Variants in PIK3R3 observed in about 807,000 individuals in gnomAD.
PIK3R3 encodes the protein phosphatidylinositol 3-kinase regulatory subunit gamma.
In PIK3R3, 64 loss-of-function variants were observed where a neutral mutation model predicts 62.9. The ratio of observed to expected loss-of-function variants is 1.02; its 90% confidence interval spans 0.83 to 1.25. PIK3R3 has a LOEUF of 1.25. Ranked by LOEUF, PIK3R3 falls within the 50% of genes most tolerant of loss-of-function variation. PIK3R3 has a pLI of 0.00. For missense variants in PIK3R3, 614 were observed against 561.6 expected, an observed-to-expected ratio of 1.09 and a Z score of -0.94; for synonymous variants, 165 against 189.0, an observed-to-expected ratio of 0.87 and a Z score of 1.04.
chr1:46,072,494 TCAAA>T (rs1238517770), intron 3 of PIK3R3, among the ~76,000 whole-genome samples: 1 of 152,220 alleles, frequency 6.6e-6, no homozygotes, highest in Non-Finnish European at 1.5e-5. Context: ...ATGAAAACTT[TCAAA>T]CATTCTTGCT....
intron 1 of PIK3R3, among the ~76,000 whole-genome samples, chr1:46,099,102 C>A (rs1040405611): frequency 2.0e-5 from 3 of 152,164 alleles, no homozygotes; most frequent in Admixed American, 6.6e-5. Context: ...ATATTAAAAA[C>A]CACTGATGTG....
intron 1 of PIK3R3, among the ~76,000 whole-genome samples, chr1:46,089,301 T>C (rs1571459544): frequency 6.6e-6 from 1 of 152,172 alleles, no homozygotes; most frequent in East Asian, 1.9e-4. Context: ...TTAGAGGGTA[T>C]GTTTAAGAAA....
intron 1 of PIK3R3, among the ~76,000 whole-genome samples, chr1:46,126,874 T>C (rs1655140162): frequency 6.6e-6 from 1 of 152,132 alleles, no homozygotes; most frequent in Non-Finnish European, 1.5e-5. Context: ...ATAGATATAA[T>C]CCACTTAAAG....
intron 1 of PIK3R3, among the ~76,000 whole-genome samples, chr1:46,091,705 A>G (rs948710105): frequency 2.6e-5 from 4 of 152,154 alleles, no homozygotes; most frequent in African/African-American, 9.7e-5. Flanking sequence ...AAAACCAAAC[A>G]TATATAATCA....
the PIK3R3 span, among the ~76,000 whole-genome samples, chr1:46,167,071 C>T: frequency 6.6e-6 from 1 of 152,258 alleles, no homozygotes; most frequent in Non-Finnish European, 1.5e-5. Context: ...GCTTCGCTCC[C>T]ACCCGCGCGC....
chr1:46,152,663 C>T, the PIK3R3 span, among the ~76,000 whole-genome samples: 49 of 150,630 alleles, frequency 3.3e-4, no homozygotes, highest in African/African-American at 1.2e-3. Context: ...CCTGGGATCA[C>T]GCCATTCTCC....
chr1:46,139,551 C>T, the PIK3R3 span, among the ~76,000 whole-genome samples: 1 of 152,194 alleles, frequency 6.6e-6, no homozygotes, highest in African/African-American at 2.4e-5. Flanking sequence ...AGGGGATCCA[C>T]CCACCTTGGC....
intron 5 of PIK3R3, among the ~76,000 whole-genome samples, chr1:46,065,291 T>C (rs1336851112): frequency 1.3e-5 from 2 of 152,220 alleles, no homozygotes; most frequent in African/African-American, 4.8e-5. Context: ...TAGTCAGGCC[T>C]AAGAAGTCCT....
intron 3 of PIK3R3, among the ~76,000 whole-genome samples, chr1:46,071,707 A>AT (rs1196712562): frequency 1.5e-5 from 1 of 68,138 alleles, no homozygotes; most frequent in African/African-American, 7.2e-5. Context: ...AAAAAAAAAA[A>AT]AAAAAATATA....
intron 1 of PIK3R3, among the ~76,000 whole-genome samples, chr1:46,103,531 T>C (rs1652908347): frequency 6.6e-6 from 1 of 150,928 alleles, no homozygotes; most frequent in East Asian, 2.0e-4. Flanking sequence ...ACCGTGCTAC[T>C]GCACTCTAGC....
intron 3 of PIK3R3, 48 bp from the exon 4 acceptor site, chr1:46,067,139 A>G (rs772051892): frequency 4.4e-6 from 6 of 1,365,388 alleles, no homozygotes; most frequent in African/African-American, 1.5e-5. Flanking sequence ...CCCAAATTCA[A>G]CTGAACTACT....
chr1:46,174,437 C>T, the PIK3R3 span, among the ~76,000 whole-genome samples: 1 of 152,126 alleles, frequency 6.6e-6, no homozygotes, highest in East Asian at 1.9e-4. Flanking sequence ...TAGACATAAG[C>T]ACAATTCACT....
At chr1:46,118,682 AGTACCTGGG>A (rs1250073564) in intron 1 of PIK3R3, among the ~76,000 whole-genome samples, 1 of 151,108 alleles carries the variant, frequency 6.6e-6, no homozygotes, top group East Asian at 1.9e-4. Context: ...CAGCCTCCCA[AGTACCTGGG>A]ATTATAGGCG....
chr1:46,103,173 C>T (rs924036947), intron 1 of PIK3R3, among the ~76,000 whole-genome samples: 8 of 152,238 alleles, frequency 5.3e-5, no homozygotes, highest in African/African-American at 7.2e-5. Context: ...ATAGGGGAAA[C>T]GACGAGTCAC....
rs766789504 is a variant in PIK3R3, at chr1:46,061,951, CCT to C, written c.740_741del (p.Glu247GlyfsTer3). 1 of 1,613,528 alleles carries C rather than the reference CCT, an allele frequency of 6.2e-7. No individual in the cohort carries two copies. ...SKEYIERFRR[E>X]GNEKEIERIM... ...TACCGTTCAATCTCCTTTTCATTCC[CCT>C]CTCTGCGAAATCGCTCAATATATTC... is the stretch of plus-strand genomic sequence containing the variant. On this transcript the variant is annotated frameshift_variant, in exon 6 of 10. Coordinates refer to ENST00000262741, the MANE Select transcript of PIK3R3 (RefSeq NM_003629.4). LOFTEE classifies it high-confidence loss of function.
rs377422965 is a variant in PIK3R3, at chr1:46,102,232, G to A, written c.107-21482C>T. Among the ~76,000 whole-genome samples the A allele has an allele frequency of 6.1e-4, 92 of 152,064 alleles. No homozygotes were observed. In the East Asian group the frequency reaches 0.013, roughly 22 times the overall value. ...GATCTCCTGACCTCGTGATCCGCCC[G>A]CCTCGGCCTCCCAAAGTGCTGGGAT... On this transcript the variant is annotated intron_variant, in intron 1 of 9. Transcript: ENST00000262741.
At chr1:46,065,250 T>C (rs1247797856) in intron 5 of PIK3R3, among the ~76,000 whole-genome samples, 1 of 152,090 alleles carries the variant, frequency 6.6e-6, no homozygotes, top group African/African-American at 2.4e-5. Context: ...ATTAAACCAA[T>C]CCAAGTCTAG....
At chr1:46,160,956 G>A in the PIK3R3 span, among the ~76,000 whole-genome samples, 3 of 152,020 alleles carry the variant, frequency 2.0e-5, no homozygotes, top group Non-Finnish European at 4.4e-5. Flanking sequence ...TGGCCAAACC[G>A]CATCAATGTA....
chr1:46,146,846 C>T, the PIK3R3 span, among the ~76,000 whole-genome samples: 1 of 152,124 alleles, frequency 6.6e-6, no homozygotes, highest in African/African-American at 2.4e-5. Flanking sequence ...TCAAATGCCA[C>T]CATAAGCCTG....
Sources: allele counts gnomAD v4.1 joint callset (sites outside exome capture counted in the v4.1 genomes callset), GRCh38; gene constraint gnomAD v4.1.1; transcripts MANE v1.5; gene names NCBI Gene and HGNC (gene_info 2026-07-23, HGNC 2026-07-21).